The following EFCAB6 variants were observed in gnomAD, a reference collection of about 807,000 sequenced individuals.
EFCAB6 encodes EF-hand calcium binding domain 6.
A neutral mutation model predicts 169.8 loss-of-function variants in EFCAB6; 156 were observed. The ratio of observed to expected loss-of-function variants is 0.92; its 90% confidence interval spans 0.81 to 1.05. The LOEUF (loss-of-function observed/expected upper bound fraction) is 1.05. EFCAB6 is among the 50% of genes least tolerant of loss of function. The probability of loss-of-function intolerance (pLI) is 0.00; values close to 1 mark genes in which losing one functional copy is unlikely to be tolerated. For missense variants in EFCAB6, 1,800 were observed against 1,829.1 expected, an observed-to-expected ratio of 0.98 and a Z score of 0.29; for synonymous variants, 698 against 676.4, an observed-to-expected ratio of 1.03 and a Z score of -0.50.
At chr22:43,546,447 C>T (rs1011520493) in intron 27 of EFCAB6, among the ~76,000 whole-genome samples, 7 of 152,060 alleles carry the variant, frequency 4.6e-5, no homozygotes, top group South Asian at 2.1e-4. Context: ...CATAAAGGCG[C>T]GGCCTTAAAA....
intron 9 of EFCAB6, among the ~76,000 whole-genome samples, chr22:43,715,575 A>T (rs1216056858): frequency 6.6e-6 from 1 of 152,152 alleles, no homozygotes; most frequent in Non-Finnish European, 1.5e-5. Flanking sequence ...CTTCTTATAA[A>T]ATTATTTCTA....
intron 4 of EFCAB6, among the ~76,000 whole-genome samples, chr22:43,771,956 A>G (rs1205655483): frequency 6.6e-6 from 1 of 152,190 alleles, no homozygotes; most frequent in Admixed American, 6.5e-5. Flanking sequence ...AAGCTTTCAC[A>G]CAGGCTGTCC....
At chr22:43,769,393 T>C (rs891914433) in intron 4 of EFCAB6, among the ~76,000 whole-genome samples, 2 of 152,034 alleles carry the variant, frequency 1.3e-5, no homozygotes, top group African/African-American at 4.8e-5. Flanking sequence ...ATGAAAACGG[T>C]TTTCAATTAG....
At chr22:43,809,870 T>C (rs1050147157) in intron 1 of EFCAB6, among the ~76,000 whole-genome samples, 2 of 151,018 alleles carry the variant, frequency 1.3e-5, no homozygotes, top group African/African-American at 5.0e-5. Context: ...CCTCCCAAAG[T>C]GCTGGGATTA....
At chr22:43,574,597 T>G (rs1334768593) in intron 26 of EFCAB6, among the ~76,000 whole-genome samples, 3 of 152,048 alleles carry the variant, frequency 2.0e-5, no homozygotes, top group Middle Eastern at 3.4e-3. Flanking sequence ...GTATATTTTT[T>G]GCATTGTCCC....
chr22:43,683,687 G>T (rs567832111), intron 12 of EFCAB6, 60 bp downstream of exon 12: 26 of 1,216,948 alleles, frequency 2.1e-5, no homozygotes, highest in Non-Finnish European at 3.2e-5. Context: ...GTCTTGTTCT[G>T]AGTGTTTGCA....
intron 5 of EFCAB6, among the ~76,000 whole-genome samples, chr22:43,756,769 T>C (rs551574534): frequency 2.2e-4 from 33 of 152,140 alleles, no homozygotes; most frequent in Non-Finnish European, 4.0e-4. Flanking sequence ...GATGACTCTT[T>C]GGATGGAGTG....
At chr22:43,641,117 T>C (rs1035065124) in intron 17 of EFCAB6, among the ~76,000 whole-genome samples, 2 of 152,188 alleles carry the variant, frequency 1.3e-5, no homozygotes, top group African/African-American at 4.8e-5. Flanking sequence ...CACTTCTATA[T>C]GCCAAGAGCA....
At chr22:43,686,467 A>G (rs748033845) in intron 11 of EFCAB6, among the ~76,000 whole-genome samples, 46 of 152,262 alleles carry the variant, frequency 3.0e-4, no homozygotes, top group Middle Eastern at 6.8e-3. Context: ...GGGAGGAAAA[A>G]TTGTCCCCAT....
intron 23 of EFCAB6, 34 bp from the exon 24 acceptor site, chr22:43,590,263 A>C: frequency 3.8e-6 from 6 of 1,594,772 alleles, no homozygotes; most frequent in Non-Finnish European, 5.1e-6. Context: ...ATACCCTAAA[A>C]TCAGGAAAAC....
chr22:43,611,516 A>C (rs2053299503), intron 21 of EFCAB6, among the ~76,000 whole-genome samples: 1 of 152,154 alleles, frequency 6.6e-6, no homozygotes, highest in South Asian at 2.1e-4. Context: ...TTCATATGGG[A>C]CTAGGCGTGG....
intron 3 of EFCAB6, among the ~76,000 whole-genome samples, chr22:43,776,521 G>T (rs1232789052): frequency 6.6e-6 from 1 of 152,190 alleles, no homozygotes; most frequent in Non-Finnish European, 1.5e-5. Context: ...GCTTTAGAGG[G>T]GATGGTCAAG....
rs1468258244 is a variant in EFCAB6, at chr22:43,784,547, A to G, written c.-7-2222T>C. 5.1e-3 allele frequency among the ~76,000 whole-genome samples: 412 copies of G among 81,074 alleles called. 9 individuals are homozygous for G. Among genetic ancestry groups the G allele is most frequent in the South Asian group, 9.1e-3 (17 of 1,876 alleles). 53.2% of individuals were successfully genotyped at this position (81,074 alleles called of 152,430 possible). ...TGTGTGTGTGTGTGTGTGTGTGTAT[A>G]TGTATATATACACATATATATGTGT... On this transcript the variant is annotated intron_variant, in intron 2 of 31. Coordinates refer to ENST00000262726, the MANE Select transcript of EFCAB6 (RefSeq NM_022785.4).
At chr22:43,575,828 A>G (rs1332962126) in intron 26 of EFCAB6, among the ~76,000 whole-genome samples, 1 of 152,200 alleles carries the variant, frequency 6.6e-6, no homozygotes, top group African/African-American at 2.4e-5. Context: ...TGGGGATAGT[A>G]ACAGCTTGTA....
intron 8 of EFCAB6, among the ~76,000 whole-genome samples, chr22:43,720,621 A>C (rs943266350): frequency 3.9e-5 from 6 of 152,056 alleles, no homozygotes; most frequent in Admixed American, 1.3e-4. Context: ...GGAAGGAAAC[A>C]AAGAAGGGAG....
chr22:43,775,320 C>T (rs1434793602), intron 3 of EFCAB6, among the ~76,000 whole-genome samples: 3 of 152,168 alleles, frequency 2.0e-5, no homozygotes, highest in East Asian at 3.9e-4. Context: ...CAAAAGTGGG[C>T]ATACGCTCCC....
At chr22:43,710,790 C>A (rs986684227) in intron 10 of EFCAB6, among the ~76,000 whole-genome samples, 1 of 152,080 alleles carries the variant, frequency 6.6e-6, no homozygotes, top group Admixed American at 6.5e-5. Context: ...GTCCCCCCCA[C>A]TCCCCACAAA....
intron 3 of EFCAB6, among the ~76,000 whole-genome samples, chr22:43,776,160 G>C (rs1432169043): frequency 6.6e-6 from 1 of 152,246 alleles, no homozygotes; most frequent in African/African-American, 2.4e-5. Context: ...ATGCTCTGGA[G>C]ATAAGAGAGG....
At chr22:43,733,294 G>A (rs547432216) in intron 7 of EFCAB6, among the ~76,000 whole-genome samples, 107 of 152,324 alleles carry the variant, frequency 7.0e-4, no homozygotes, top group African/African-American at 2.4e-3. Flanking sequence ...GTCACCACCT[G>A]GAACTGGGTT....
Sources: allele counts gnomAD v4.1 joint callset (sites outside exome capture counted in the v4.1 genomes callset), GRCh38; gene constraint gnomAD v4.1.1; transcripts MANE v1.5; gene names NCBI Gene and HGNC (gene_info 2026-07-23, HGNC 2026-07-21).